Variants in STXBP5L observed in about 807,000 individuals in gnomAD.
STXBP5L encodes the protein syntaxin binding protein 5L.
STXBP5L carries 65 observed loss-of-function variants against 144.5 expected under a neutral mutation model. The observed-to-expected ratio is 0.45, with a 90% confidence interval of 0.37 to 0.55. The LOEUF (loss-of-function observed/expected upper bound fraction) is 0.55, where lower values mean the gene tolerates loss of function less well. STXBP5L is among the 20% of genes least tolerant of loss of function. STXBP5L has a pLI of 0.00. For missense variants in STXBP5L, 1,298 were observed against 1,405.5 expected (o/e 0.92, Z 1.22); for synonymous variants, 505 against 469.6 (o/e 1.08, Z -0.97).
chr3:121,087,698 T>A (rs1179241034), intron 5 of STXBP5L, among the ~76,000 whole-genome samples: 1 of 152,044 alleles, frequency 6.6e-6, no homozygotes, highest in African/African-American at 2.4e-5. Context: ...AGGTTCTCCA[T>A]TTTATTTTTT....
intron 5 of STXBP5L, among the ~76,000 whole-genome samples, chr3:121,107,717 A>G (rs2043780710): frequency 1.3e-5 from 2 of 149,614 alleles, no homozygotes; most frequent in Non-Finnish European, 2.9e-5. Context: ...CTCCATATGA[A>G]TTTTAAAGTA....
chr3:120,978,545 C>T (rs148590274), intron 3 of STXBP5L, among the ~76,000 whole-genome samples: 5,262 of 152,288 alleles, frequency 0.035, 338 homozygotes, highest in Admixed American at 0.17. Context: ...TCTCTCAACT[C>T]GTCAAAGTCA....
At chr3:121,310,495 A>G (rs2043489131) in intron 19 of STXBP5L, among the ~76,000 whole-genome samples, 2 of 152,196 alleles carry the variant, frequency 1.3e-5, no homozygotes, top group South Asian at 4.1e-4. Flanking sequence ...CTGTAGTCCC[A>G]GCTACTCTAT....
At chr3:121,208,016 A>G (rs2048406024) in intron 10 of STXBP5L, among the ~76,000 whole-genome samples, 1 of 152,216 alleles carries the variant, frequency 6.6e-6, no homozygotes, top group Admixed American at 6.5e-5. Flanking sequence ...TCATGCTGCT[A>G]TAAAGACACA....
intron 10 of STXBP5L, among the ~76,000 whole-genome samples, chr3:121,207,277 A>C (rs1350969164): frequency 7.1e-6 from 1 of 141,092 alleles, no homozygotes; most frequent in African/African-American, 2.8e-5. Flanking sequence ...CTGGCTAGCC[A>C]TATGTAGAAA....
chr3:121,229,872 GT>G (rs1246807490), intron 11 of STXBP5L, among the ~76,000 whole-genome samples: 1 of 152,014 alleles, frequency 6.6e-6, no homozygotes. Flanking sequence ...TTTTATAATT[GT>G]CAGAAAAACG....
At chr3:121,085,575 A>G (rs2042448917) in intron 5 of STXBP5L, among the ~76,000 whole-genome samples, 1 of 152,168 alleles carries the variant, frequency 6.6e-6, no homozygotes, top group Non-Finnish European at 1.5e-5. Flanking sequence ...TCCCATTCAC[A>G]ATTGCTACAA....
At chr3:121,036,550 G>A (rs1946765917) in intron 3 of STXBP5L, among the ~76,000 whole-genome samples, 1 of 151,934 alleles carries the variant, frequency 6.6e-6, no homozygotes, top group Admixed American at 6.6e-5. Context: ...GATGATTCTT[G>A]CTTTATTCAT....
intron 14 of STXBP5L, among the ~76,000 whole-genome samples, chr3:121,246,154 C>A (rs1383385353): frequency 6.6e-6 from 1 of 152,190 alleles, no homozygotes; most frequent in Non-Finnish European, 1.5e-5. Flanking sequence ...GCTCTGCCTC[C>A]TGTTAGATCA....
At chr3:121,330,834 C>T (rs1227932681) in intron 20 of STXBP5L, among the ~76,000 whole-genome samples, 1 of 152,224 alleles carries the variant, frequency 6.6e-6, no homozygotes, top group African/African-American at 2.4e-5. Context: ...CCGTTCATTA[C>T]TACTACAGCT....
intron 20 of STXBP5L, among the ~76,000 whole-genome samples, chr3:121,354,508 CTTTTT>C (rs145703750): frequency 1.5e-5 from 1 of 67,540 alleles, no homozygotes; most frequent in African/African-American, 5.8e-5. Flanking sequence ...TGCAACCCTG[CTTTTT>C]TTTTTTTTTT....
At chr3:121,236,881 A>G (rs1342263357) in intron 12 of STXBP5L, among the ~76,000 whole-genome samples, 1 of 152,246 alleles carries the variant, frequency 6.6e-6, no homozygotes, top group Non-Finnish European at 1.5e-5. Flanking sequence ...GGTATTGGGT[A>G]AACATTTCCA....
At chr3:121,153,715 T>TA (rs540389518) in intron 8 of STXBP5L, among the ~76,000 whole-genome samples, 54 of 152,024 alleles carry the variant, frequency 3.6e-4, no homozygotes, top group African/African-American at 1.2e-3. Context: ...CTCATAGTGG[T>TA]AAAAAAATGT....
intron 3 of STXBP5L, among the ~76,000 whole-genome samples, chr3:120,957,624 G>T (rs1210623906): frequency 6.6e-6 from 1 of 151,378 alleles, no homozygotes; most frequent in Non-Finnish European, 1.5e-5. Flanking sequence ...AGTAGTATTA[G>T]TTCTTTAAAT....
At chr3:121,407,098 A>G (rs1576367335) in intron 22 of STXBP5L, 145 bp from the exon 23 acceptor site, 1 of 989,946 alleles carries the variant, frequency 1.0e-6, no homozygotes, top group Non-Finnish European at 1.4e-6. Context: ...ATTATAACAG[A>G]TGAGCTCACA....
At chr3:121,047,119 A>G (rs910640649) in intron 5 of STXBP5L, among the ~76,000 whole-genome samples, 3 of 152,128 alleles carry the variant, frequency 2.0e-5, no homozygotes, top group Non-Finnish European at 4.4e-5. Flanking sequence ...CCCAAAAGTC[A>G]TTCAGGACCA....
At chr3:121,043,376 C>T (rs990943830) in intron 4 of STXBP5L, among the ~76,000 whole-genome samples, 2 of 152,072 alleles carry the variant, frequency 1.3e-5, no homozygotes, top group African/African-American at 4.8e-5. Flanking sequence ...GTACCGTTCA[C>T]TTCTCTCCGA....
chr3:121,039,952 A>G (rs531707297), intron 3 of STXBP5L, among the ~76,000 whole-genome samples: 2 of 149,036 alleles, frequency 1.3e-5, no homozygotes, highest in African/African-American at 5.0e-5. Flanking sequence ...TTTGAGATAG[A>G]TAGGTAGATA....
chr3:120,993,217 G>A (rs374992286), intron 3 of STXBP5L, among the ~76,000 whole-genome samples: 1 of 152,038 alleles, frequency 6.6e-6, no homozygotes, highest in South Asian at 2.1e-4. Context: ...TTAGTCCTTT[G>A]TTAGATGGAT....
Sources: allele counts gnomAD v4.1 joint callset (sites outside exome capture counted in the v4.1 genomes callset), GRCh38; gene constraint gnomAD v4.1.1; transcripts MANE v1.5; gene names NCBI Gene and HGNC (gene_info 2026-07-23, HGNC 2026-07-21).